Variants in VTI1A observed in about 807,000 individuals in gnomAD.
VTI1A encodes vesicle transport through interaction with t-SNAREs 1A.
In VTI1A, 22 loss-of-function variants were observed where a neutral mutation model predicts 34.9. That is an observed-to-expected ratio of 0.63 (90% confidence interval 0.45 to 0.90). The LOEUF (loss-of-function observed/expected upper bound fraction) is 0.90. Among genes scored for constraint, VTI1A ranks in the 40% least tolerant of loss-of-function variants. The probability of loss-of-function intolerance (pLI) is 0.00; values close to 1 mark genes in which losing one functional copy is unlikely to be tolerated. For synonymous variants in VTI1A, 87 were observed against 97.3 expected (o/e 0.89, Z 0.62); for missense variants, 268 against 275.6 (o/e 0.97, Z 0.20).
At chr10:112,819,128 C>T (rs564825731), downstream of VTI1A, among the ~76,000 whole-genome samples, 3 of 152,240 alleles carry the variant, frequency 2.0e-5, no homozygotes, top group East Asian at 1.9e-4. Context: ...GTTCAGCAGG[C>T]GTTCTTCATG....
Position 112,805,629 on chromosome 10 carries a change from C to T in VTI1A, c.561-9661C>T, listed in dbSNP as rs76872870. Among the ~76,000 whole-genome samples the T allele has an allele frequency of 6.8e-3, 1,034 of 152,294 alleles. 5 individuals are homozygous for T. The highest frequency in any genetic ancestry group is 0.011 in the Non-Finnish European group (774 of 68,024). On this transcript the variant is annotated intron_variant, in intron 7 of 7. Coordinates refer to ENST00000393077, the MANE Select transcript of VTI1A (RefSeq NM_145206.4). ...ATGAGGTACGGGAATAGGGTGGGCT[C>T]CTAAACCAATGTGACCGGTGTCCTT...
At chr10:112,774,865 G>C (rs1472105777) in intron 7 of VTI1A, among the ~76,000 whole-genome samples, 2 of 152,160 alleles carry the variant, frequency 1.3e-5, no homozygotes, top group Admixed American at 6.5e-5. Context: ...AAGTTCAAGG[G>C]TACATGTTTG....
In VTI1A at chr10:112,504,318, A is replaced by G. The variant is rs142357456; in HGVS notation, c.265-22769A>G. On this transcript the variant is annotated intron_variant, in intron 3 of 7. Transcript: ENST00000393077. ...TTACGAATTGTTTGTGTATCTTTAC[A>G]GATTCTCTTTAAATATACACAAGCA... Among the ~76,000 whole-genome samples, 697 of 152,306 alleles carry G rather than the reference A, an allele frequency of 4.6e-3. 1 individual carries two copies. Among genetic ancestry groups the G allele is most frequent in the Non-Finnish European group, 7.5e-3 (511 of 68,018 alleles).
At chr10:112,469,247 C>A (rs1444881198) in intron 3 of VTI1A, among the ~76,000 whole-genome samples, 2 of 152,098 alleles carry the variant, frequency 1.3e-5, no homozygotes, top group Non-Finnish European at 2.9e-5. Context: ...CAGCACAGCT[C>A]AACCTTTTTT....
At chr10:112,787,347 T>A (rs1416205825) in intron 7 of VTI1A, among the ~76,000 whole-genome samples, 1 of 152,178 alleles carries the variant, frequency 6.6e-6, no homozygotes, top group Non-Finnish European at 1.5e-5. Context: ...TGAGCCAACT[T>A]CTGGTTTCAT....
At chr10:112,854,828 C>T in the VTI1A span, among the ~76,000 whole-genome samples, 2 of 152,200 alleles carry the variant, frequency 1.3e-5, no homozygotes, top group Admixed American at 6.5e-5. Context: ...CTGCAGAGAA[C>T]GCCTCTAGAA....
intron 3 of VTI1A, among the ~76,000 whole-genome samples, chr10:112,477,915 TCTTA>T (rs1385128282): frequency 6.6e-6 from 1 of 152,158 alleles, no homozygotes; most frequent in Admixed American, 6.5e-5. Context: ...GCTAGAGTTG[TCTTA>T]CTTATGGAAA....
At chr10:112,486,675 A>T (rs1848644432) in intron 3 of VTI1A, among the ~76,000 whole-genome samples, 1 of 151,912 alleles carries the variant, frequency 6.6e-6, no homozygotes, top group Non-Finnish European at 1.5e-5. Context: ...TCTTAAGAAT[A>T]TACAACTTAT....
Position 112,523,327 on chromosome 10 carries a change from G to A in VTI1A, c.265-3760G>A, listed in dbSNP as rs117803802. 3.9e-3 allele frequency among the ~76,000 whole-genome samples: 587 copies of A among 152,146 alleles called. 11 individuals are homozygous for A. The East Asian group carries it at 0.05, about 13-fold the overall frequency. On this transcript the variant is annotated intron_variant, in intron 3 of 7. Transcript: ENST00000393077. The stretch of plus-strand genomic sequence containing the variant: ...AAAAATCGAAAATCGCCTTGAATCC[G>A]AAATTCTCGCATTCATAACTCACTT...
In VTI1A at chr10:112,684,390, T is replaced by C. The variant is rs138257749; in HGVS notation, c.560+15392T>C. 3.2e-3 allele frequency among the ~76,000 whole-genome samples: 483 copies of C among 152,104 alleles called. 2 individuals are homozygous for C. Among genetic ancestry groups the C allele is most frequent in the African/African-American group, 0.01 (424 of 41,524 alleles). ...GCTATGTATCTTCATTCATAAACTATATTATTTGCTTAGTGTGGCATCCTT... is the reference window on the plus strand; with the variant it reads ...GCTATGTATCTTCATTCATAAACTACATTATTTGCTTAGTGTGGCATCCTT... On this transcript the variant is annotated intron_variant, in intron 7 of 7. Coordinates refer to ENST00000393077, the MANE Select transcript of VTI1A (RefSeq NM_145206.4).
chr10:112,775,061 CAGTTAGCTG>C (rs1851923407), intron 7 of VTI1A, among the ~76,000 whole-genome samples: 1 of 152,204 alleles, frequency 6.6e-6, no homozygotes, highest in Non-Finnish European at 1.5e-5. Flanking sequence ...GAACGTCGGT[CAGTTAGCTG>C]AGTGATATTG....
intron 3 of VTI1A, among the ~76,000 whole-genome samples, chr10:112,518,481 G>C (rs1007700266): frequency 2.2e-4 from 34 of 151,280 alleles, no homozygotes; most frequent in Non-Finnish European, 4.6e-4. Flanking sequence ...GGCAGAGATA[G>C]GAGGATTGCT....
At chr10:112,737,053 A>T (rs1302594740) in intron 7 of VTI1A, 13 of 417,988 alleles carry the variant, frequency 3.1e-5, no homozygotes, top group Middle Eastern at 6.0e-4. Flanking sequence ...ATAGTGGACA[A>T]TTTTTTTTCT....
chr10:112,716,197 A>G (rs1849607468), intron 7 of VTI1A, among the ~76,000 whole-genome samples: 1 of 152,184 alleles, frequency 6.6e-6, no homozygotes, highest in South Asian at 2.1e-4. Context: ...AGTTTCCAGC[A>G]CAGAGAGAGA....
At chr10:112,485,346 C>G (rs575614334) in intron 3 of VTI1A, 1 of 152,006 alleles carries the variant, frequency 6.6e-6, no homozygotes, top group South Asian at 2.1e-4. Context: ...TTGAGCATAT[C>G]TTTTGGGAAA....
At chr10:112,601,718 T>C (rs1308884155) in intron 5 of VTI1A, among the ~76,000 whole-genome samples, 1 of 152,206 alleles carries the variant, frequency 6.6e-6, no homozygotes, top group African/African-American at 2.4e-5. Context: ...CAGATATTAC[T>C]ATTTATTAGT....
chr10:112,809,703 G>C (rs1853218305), intron 7 of VTI1A, among the ~76,000 whole-genome samples: 1 of 152,244 alleles, frequency 6.6e-6, no homozygotes, highest in Non-Finnish European at 1.5e-5. Flanking sequence ...AGCACGTGTA[G>C]GTAGAGTCTC....
chr10:112,774,146 G>T (rs971476201), intron 7 of VTI1A, among the ~76,000 whole-genome samples: 9 of 152,224 alleles, frequency 5.9e-5, no homozygotes, highest in Admixed American at 5.9e-4. Context: ...TGTGGAGGGT[G>T]TTGGAGAAAA....
chr10:112,695,075 A>G (rs970043421), intron 7 of VTI1A, among the ~76,000 whole-genome samples: 1 of 152,226 alleles, frequency 6.6e-6, no homozygotes, highest in African/African-American at 2.4e-5. Flanking sequence ...TATGTGGGAA[A>G]TGGAACACAT....
Sources: allele counts gnomAD v4.1 joint callset (sites outside exome capture counted in the v4.1 genomes callset), GRCh38; gene constraint gnomAD v4.1.1; transcripts MANE v1.5; gene names NCBI Gene and HGNC (gene_info 2026-07-23, HGNC 2026-07-21).